The following BACH2 variants were observed in gnomAD, a reference collection of about 807,000 sequenced individuals.
BACH2 encodes the protein transcription regulator protein BACH2.
In BACH2, 5 loss-of-function variants were observed where a neutral mutation model predicts 61.8. The ratio of observed to expected loss-of-function variants is 0.08; its 90% CI spans 0.04 to 0.17. The LOEUF is 0.17. Ranked by LOEUF, BACH2 falls within the 10% of genes least tolerant of loss-of-function variation. The pLI, the probability that BACH2 is intolerant of heterozygous loss-of-function variation, is 1.00. For missense variants in BACH2, 824 were observed against 1,091.1 expected, an observed-to-expected ratio of 0.76 and a Z score of 3.45; for synonymous variants, 446 against 440.1, an observed-to-expected ratio of 1.01 and a Z score of -0.17.
intron 1 of BACH2, among the ~76,000 whole-genome samples, chr6:90,278,141 C>T (rs369442074): frequency 1.6e-4 from 24 of 152,240 alleles, no homozygotes; most frequent in African/African-American, 5.3e-4. Context: ...TTATAGGAGA[C>T]GATGTCAAAT....
intron 4 of BACH2, among the ~76,000 whole-genome samples, chr6:90,169,166 A>AT (rs1241439860): frequency 6.7e-6 from 1 of 148,674 alleles, no homozygotes; most frequent in Non-Finnish European, 1.5e-5. Context: ...GTTACTGGTG[A>AT]TTAAAAAAAA....
At chr6:89,978,387 G>T (rs1398600436) in intron 6 of BACH2, among the ~76,000 whole-genome samples, 2 of 152,136 alleles carry the variant, frequency 1.3e-5, no homozygotes, top group African/African-American at 4.8e-5. Context: ...AAACAAGGAT[G>T]GAGACCTCAA....
chr6:90,239,832 C>G (rs1227243138), intron 3 of BACH2, among the ~76,000 whole-genome samples: 1 of 135,890 alleles, frequency 7.4e-6, no homozygotes, highest in East Asian at 2.9e-4. Flanking sequence ...CACACACACA[C>G]ACACACACAC....
At chr6:90,081,117 G>C (rs776328600) in intron 5 of BACH2, among the ~76,000 whole-genome samples, 3 of 152,144 alleles carry the variant, frequency 2.0e-5, no homozygotes, top group African/African-American at 7.2e-5. Flanking sequence ...GTTTAGGTTA[G>C]AGAAAGTTAA....
intron 4 of BACH2, among the ~76,000 whole-genome samples, chr6:90,138,752 G>A (rs1014979885): frequency 8.5e-5 from 13 of 152,090 alleles, no homozygotes; most frequent in Non-Finnish European, 1.5e-4. Flanking sequence ...CAGCTCTACC[G>A]ATTTCTTGCC....
intron 1 of BACH2, among the ~76,000 whole-genome samples, chr6:90,283,134 A>G (rs1307300725): frequency 6.6e-6 from 1 of 152,192 alleles, no homozygotes; most frequent in Non-Finnish European, 1.5e-5. Flanking sequence ...TATATTTACT[A>G]GCCAATTGGG....
intron 5 of BACH2, among the ~76,000 whole-genome samples, chr6:90,064,335 G>A (rs1780835047): frequency 6.6e-6 from 1 of 152,208 alleles, no homozygotes; most frequent in Non-Finnish European, 1.5e-5. Flanking sequence ...GCACATATGG[G>A]AAGGGGAGAT....
intron 3 of BACH2, among the ~76,000 whole-genome samples, chr6:90,219,823 A>C (rs1287605600): frequency 2.0e-5 from 3 of 151,562 alleles, no homozygotes; most frequent in African/African-American, 7.3e-5. Context: ...CACGCTCCCG[A>C]AGTTTGCCTC....
intron 5 of BACH2, among the ~76,000 whole-genome samples, chr6:90,087,748 T>G (rs1781998420): frequency 6.6e-6 from 1 of 152,034 alleles, no homozygotes; most frequent in South Asian, 2.1e-4. Context: ...ATTTTTAACT[T>G]TTGTGGGTAT....
chr6:89,961,267 A>C (rs1221781067), intron 6 of BACH2, among the ~76,000 whole-genome samples: 1 of 152,200 alleles, frequency 6.6e-6, no homozygotes, highest in African/African-American at 2.4e-5. Flanking sequence ...TTTCAATATA[A>C]GTGTAGGTCT....
chr6:90,267,680 T>G (rs375501691), intron 2 of BACH2, among the ~76,000 whole-genome samples: 76 of 152,316 alleles, frequency 5.0e-4, no homozygotes, highest in African/African-American at 1.8e-3. Context: ...GGTACAACGA[T>G]ACCATAGGAT....
intron 2 of BACH2, among the ~76,000 whole-genome samples, chr6:90,271,478 A>G (rs900183139): frequency 1.3e-5 from 2 of 152,016 alleles, no homozygotes; most frequent in Admixed American, 1.3e-4. Context: ...TATTGATTGC[A>G]GTTTTATTTT....
intron 1 of BACH2, among the ~76,000 whole-genome samples, chr6:90,277,355 CTG>C (rs1347433904): frequency 6.6e-6 from 1 of 152,166 alleles, no homozygotes; most frequent in Non-Finnish European, 1.5e-5. Flanking sequence ...TATGAGTTAA[CTG>C]TGCATATTAT....
At chr6:90,160,556 C>T (rs1340460338) in intron 4 of BACH2, among the ~76,000 whole-genome samples, 4 of 152,166 alleles carry the variant, frequency 2.6e-5, no homozygotes, top group Non-Finnish European at 4.4e-5. Flanking sequence ...GCAGAGTAGA[C>T]TCAAGCTAAA....
At chr6:90,055,353 A>C (rs557435020) in intron 5 of BACH2, among the ~76,000 whole-genome samples, 19 of 152,344 alleles carry the variant, frequency 1.2e-4, no homozygotes, top group Non-Finnish European at 2.4e-4. Context: ...CGATTCGATC[A>C]ACTGGAAGAA....
chr6:90,113,148 T>C (rs1346165241), intron 4 of BACH2, among the ~76,000 whole-genome samples: 1 of 152,136 alleles, frequency 6.6e-6, no homozygotes, highest in Non-Finnish European at 1.5e-5. Flanking sequence ...TCCCACACAA[T>C]AGTTGTGGGA....
intron 4 of BACH2, among the ~76,000 whole-genome samples, chr6:90,090,246 T>C (rs1325980328): frequency 6.6e-6 from 1 of 152,180 alleles, no homozygotes; most frequent in African/African-American, 2.4e-5. Context: ...CCCTCATTTT[T>C]GGAGTTGCAG....
intron 4 of BACH2, among the ~76,000 whole-genome samples, chr6:90,201,129 A>G (rs1387155026): frequency 6.6e-6 from 1 of 152,208 alleles, no homozygotes; most frequent in Non-Finnish European, 1.5e-5. Flanking sequence ...TTCAAAAATT[A>G]CTATTTTAAG....
intron 4 of BACH2, among the ~76,000 whole-genome samples, chr6:90,158,596 A>C (rs1785073540): frequency 6.6e-6 from 1 of 151,788 alleles, no homozygotes; most frequent in Non-Finnish European, 1.5e-5. Context: ...GGGCCTGGGC[A>C]GGGGCTTCAT....
Sources: allele counts gnomAD v4.1 joint callset (sites outside exome capture counted in the v4.1 genomes callset), GRCh38; gene constraint gnomAD v4.1.1; transcripts MANE v1.5; gene names NCBI Gene and HGNC (gene_info 2026-07-23, HGNC 2026-07-21).